Variants in FOXP2 observed in about 807,000 individuals in gnomAD.
FOXP2 encodes forkhead box protein P2.
A neutral mutation model predicts 115.8 loss-of-function variants in FOXP2; 12 were observed. The ratio of observed to expected loss-of-function variants is 0.10; its 90% CI spans 0.07 to 0.17. FOXP2 has a LOEUF of 0.17. FOXP2 is among the 10% of genes least tolerant of loss of function. The pLI is 1.00. For missense variants in FOXP2, 629 were observed against 843.5 expected (o/e 0.75, Z 3.15); for synonymous variants, 328 against 297.7 (o/e 1.10, Z -1.05).
At position 114,415,177 on chromosome 7, in the gene FOXP2, AGT is replaced by A. The variant is rs1251675776; in HGVS notation, c.-191_-190del. On this transcript the variant is annotated 5_prime_UTR_variant, in exon 1 of 17. It introduces an in-frame stop codon into an upstream open reading frame of the 5' UTR. Transcript: ENST00000350908. ...GATCGGGCAGAGGTGTACTCACAGT[AGT>A]GTAAATACTGCTGTAAATAGTTGTC... 1.3e-5 allele frequency: 6 copies of A among 454,240 alleles called. No homozygotes were observed. The highest frequency in any genetic ancestry group is 2.6e-5 in the Non-Finnish European group (6 of 226,734). 28.1% of individuals were successfully genotyped at this position (454,240 alleles called of 1,614,324 possible).
At chr7:114,652,053 A>T in intron 8 of FOXP2, 150 bp from the exon 9 acceptor site, 1 of 709,028 alleles carries the variant, frequency 1.4e-6, no homozygotes, top group Non-Finnish European at 2.5e-6. Flanking sequence ...ACACGTAAGC[A>T]GCTTTAACTT....
intron 3 of FOXP2, among the ~76,000 whole-genome samples, chr7:114,581,637 A>C (rs892912445): frequency 1.3e-5 from 2 of 152,110 alleles, no homozygotes; most frequent in Non-Finnish European, 2.9e-5. Flanking sequence ...GAGTCCATAG[A>C]TTACATTAGG....
rs532004111 is a variant in FOXP2 at position 114,372,306 on chromosome 7, A to G, written c.-10-54196A>G. Among the ~76,000 whole-genome samples the G allele has an allele frequency of 6.1e-4, 93 of 152,296 alleles. 1 individual carries two copies. The highest frequency in any genetic ancestry group is 3.4e-3 in the Middle Eastern group (1 of 294). The stretch of plus-strand genomic sequence containing the variant: ...ACCTAAGAATGAAGGCAATTCCCCC[A>G]AAGATCATATAATGGGAACAGTTTT... On this transcript the variant is annotated intron_variant, in intron 2 of 17. Transcript: ENST00000634411.
intron 3 of FOXP2, among the ~76,000 whole-genome samples, chr7:114,584,034 TA>T (rs1189938624): frequency 6.6e-6 from 1 of 152,172 alleles, no homozygotes; most frequent in Non-Finnish European, 1.5e-5. Context: ...CTCTTTGCAA[TA>T]ATTTTTATTA....
At chr7:114,097,775 T>G (rs1799682730) in intron 1 of FOXP2, among the ~76,000 whole-genome samples, 2 of 152,240 alleles carry the variant, frequency 1.3e-5, no homozygotes, top group Non-Finnish European at 2.9e-5. Context: ...ATTTGACTGA[T>G]TGATATAAGA....
chr7:114,577,858 T>C (rs1368259847), intron 3 of FOXP2, among the ~76,000 whole-genome samples: 1 of 151,890 alleles, frequency 6.6e-6, no homozygotes, highest in African/African-American at 2.4e-5. Flanking sequence ...AACGTCATCA[T>C]AAGAGATTAT....
At chr7:114,633,642 CTTG>C (rs1213787359) in intron 6 of FOXP2, among the ~76,000 whole-genome samples, 5 of 152,112 alleles carry the variant, frequency 3.3e-5, no homozygotes, top group African/African-American at 9.7e-5. Context: ...GCATCATTGT[CTTG>C]TTTTTTACGA....
intron 13 of FOXP2, among the ~76,000 whole-genome samples, chr7:114,661,480 T>A (rs891675501): frequency 1.3e-5 from 2 of 151,894 alleles, no homozygotes; most frequent in Non-Finnish European, 2.9e-5. Context: ...ATTGGGAATT[T>A]AAAAAAAATC....
intron 1 of FOXP2, among the ~76,000 whole-genome samples, chr7:114,123,906 CT>C (rs1355852630): frequency 1.3e-5 from 2 of 151,994 alleles, no homozygotes; most frequent in Non-Finnish European, 2.9e-5. Context: ...ATCCATGCTT[CT>C]CGGAAGTTTA....
At chr7:114,427,309 T>A (rs1279847488) in intron 2 of FOXP2, among the ~76,000 whole-genome samples, 2 of 151,454 alleles carry the variant, frequency 1.3e-5, no homozygotes, top group Non-Finnish European at 3.0e-5. Flanking sequence ...TCTCTTTAAA[T>A]CTGGAAATGT....
intron 1 of FOXP2, among the ~76,000 whole-genome samples, chr7:114,249,497 G>A (rs1213792181): frequency 1.3e-5 from 2 of 152,074 alleles, no homozygotes; most frequent in Admixed American, 6.6e-5. Flanking sequence ...AGTTTGGTGA[G>A]GATAATGGCT....
chr7:114,589,443 C>T (rs1331010496), intron 3 of FOXP2, among the ~76,000 whole-genome samples: 2 of 152,168 alleles, frequency 1.3e-5, no homozygotes, highest in Non-Finnish European at 2.9e-5. Context: ...ACTGAGCACA[C>T]CATTGCCCAT....
chr7:114,302,131 T>C (rs1015861313), intron 2 of FOXP2, among the ~76,000 whole-genome samples: 1 of 152,216 alleles, frequency 6.6e-6, no homozygotes, highest in Non-Finnish European at 1.5e-5. Flanking sequence ...ACAATATTTA[T>C]TGACTTCTGT....
chr7:114,212,670 C>A (rs149675437), intron 1 of FOXP2, among the ~76,000 whole-genome samples: 56 of 151,884 alleles, frequency 3.7e-4, no homozygotes, highest in African/African-American at 1.3e-3. Flanking sequence ...TGTTTTTTAC[C>A]CTGCCTCTTT....
chr7:114,338,972 G>T (rs1042506957), intron 2 of FOXP2, among the ~76,000 whole-genome samples: 5 of 150,940 alleles, frequency 3.3e-5, no homozygotes, highest in African/African-American at 1.2e-4. Context: ...CATGGGGAGG[G>T]TCCACAAGGG....
chr7:114,145,612 C>T (rs562740464), intron 1 of FOXP2, among the ~76,000 whole-genome samples: 2 of 151,784 alleles, frequency 1.3e-5, no homozygotes, highest in South Asian at 2.1e-4. Flanking sequence ...CTCAGCCTCC[C>T]GAGTAGCTGG....
At chr7:114,521,532 C>CAAAA (rs34666914) in intron 2 of FOXP2, among the ~76,000 whole-genome samples, 13 of 81,966 alleles carry the variant, frequency 1.6e-4, no homozygotes, top group East Asian at 8.0e-4. Flanking sequence ...GACACTGTCT[C>CAAAA]AAAAAAAAAA....
intron 3 of FOXP2, among the ~76,000 whole-genome samples, chr7:114,609,764 C>A (rs1348868855): frequency 1.3e-5 from 2 of 152,178 alleles, no homozygotes; most frequent in Non-Finnish European, 2.9e-5. Context: ...TTAAGTTCAC[C>A]TTCACTAAAT....
chr7:114,530,869 C>T (rs1351686385), intron 2 of FOXP2, among the ~76,000 whole-genome samples: 1 of 151,782 alleles, frequency 6.6e-6, no homozygotes, highest in Non-Finnish European at 1.5e-5. Flanking sequence ...AAAAAATGCA[C>T]TCAATTATGA....
Sources: allele counts gnomAD v4.1 joint callset (sites outside exome capture counted in the v4.1 genomes callset), GRCh38; gene constraint gnomAD v4.1.1; transcripts MANE v1.5; gene names NCBI Gene and HGNC (gene_info 2026-07-23, HGNC 2026-07-21).